TNS3: variants seen among roughly 807,000 people sequenced by gnomAD.
TNS3 encodes the protein tensin 3, also known as tensin-3.
TNS3 carries 45 observed loss-of-function variants against 140.9 expected under a neutral mutation model. The ratio of observed to expected loss-of-function variants is 0.32; its 90% CI spans 0.25 to 0.41. The LOEUF is 0.41. TNS3 is among the 10% of genes least tolerant of loss of function. The pLI is 1.00. For synonymous variants in TNS3, 815 were observed against 788.4 expected, an observed-to-expected ratio of 1.03 and a Z score of -0.56; for missense variants, 1,716 against 1,906.7, an observed-to-expected ratio of 0.90 and a Z score of 1.86.
intron 13 of TNS3, among the ~76,000 whole-genome samples, chr7:47,402,708 C>A (rs906496572): frequency 2.0e-5 from 3 of 152,198 alleles, no homozygotes; most frequent in African/African-American, 7.2e-5. Flanking sequence ...GAGATGATAG[C>A]ACCCACCTTT....
chr7:47,521,268 C>T (rs1018254703), intron 2 of TNS3, among the ~76,000 whole-genome samples: 4 of 152,192 alleles, frequency 2.6e-5, no homozygotes, highest in African/African-American at 9.7e-5. Flanking sequence ...TGATAAAGCA[C>T]TCCTCACACG....
chr7:47,415,613 C>T (rs1360182854), intron 10 of TNS3, among the ~76,000 whole-genome samples: 3 of 152,270 alleles, frequency 2.0e-5, no homozygotes, highest in African/African-American at 7.2e-5. Context: ...GGCAGGGTCA[C>T]ATGACCCAGG....
chr7:47,530,739 C>T (rs1799361753), intron 1 of TNS3, among the ~76,000 whole-genome samples: 1 of 148,456 alleles, frequency 6.7e-6, no homozygotes, highest in Admixed American at 6.8e-5. Flanking sequence ...CAGGAAATCG[C>T]TTGAACCCAG....
chr7:47,491,167 G>T (rs1212355673), intron 3 of TNS3, among the ~76,000 whole-genome samples: 1 of 152,206 alleles, frequency 6.6e-6, no homozygotes, highest in African/African-American at 2.4e-5. Context: ...GTCCATCTAC[G>T]CTGCGATTCA....
rs1799301593 is a variant in TNS3 at position 47,529,071 on chromosome 7, T to C, written c.-188A>G. On this transcript the variant is annotated 5_prime_UTR_variant, in exon 2 of 31. Coordinates refer to ENST00000311160, the MANE Select transcript of TNS3 (RefSeq NM_022748.12). Reference sequence around the variant, plus strand: ...AATACCTTGACCGTCAATAATTTGTTTGCAAACTCCACACACTTTGGATTT... The same window carrying C: ...AATACCTTGACCGTCAATAATTTGTCTGCAAACTCCACACACTTTGGATTT... 3 of 1,288,882 alleles carry C rather than the reference T, an allele frequency of 2.3e-6. No homozygotes were observed. The highest frequency in any genetic ancestry group is 3.0e-6 in the Non-Finnish European group (3 of 988,660). 79.8% of individuals were successfully genotyped at this position (1,288,882 alleles called of 1,614,324 possible).
chr7:47,532,620 A>G (rs573526111), intron 1 of TNS3, among the ~76,000 whole-genome samples: 1 of 152,242 alleles, frequency 6.6e-6, no homozygotes, highest in East Asian at 1.9e-4. Context: ...TGAGCTGTTT[A>G]ACACTTAATA....
intron 16 of TNS3, among the ~76,000 whole-genome samples, chr7:47,382,944 G>A (rs1008361970): frequency 1.3e-5 from 2 of 152,210 alleles, no homozygotes; most frequent in African/African-American, 4.8e-5. Flanking sequence ...AAGCGGGACA[G>A]GAGGTTGGCA....
chr7:47,499,622 G>C (rs1349495494), intron 3 of TNS3, among the ~76,000 whole-genome samples: 1 of 152,196 alleles, frequency 6.6e-6, no homozygotes, highest in Non-Finnish European at 1.5e-5. Flanking sequence ...ATCTGAAAAG[G>C]CTACACATGT....
intron 20 of TNS3, among the ~76,000 whole-genome samples, chr7:47,322,563 A>G (rs1236863596): frequency 2.6e-5 from 4 of 152,088 alleles, no homozygotes; most frequent in East Asian, 1.9e-4. Context: ...CACAATCAAA[A>G]AAACAACCCA....
At chr7:47,288,347 T>C (rs955645504) in intron 27 of TNS3, among the ~76,000 whole-genome samples, 4 of 152,258 alleles carry the variant, frequency 2.6e-5, no homozygotes, top group Non-Finnish European at 5.9e-5. Flanking sequence ...ACAAGTGCTC[T>C]GTGCCTGTTG....
chr7:47,440,164 C>A (rs987316596), intron 5 of TNS3, among the ~76,000 whole-genome samples: 1 of 152,098 alleles, frequency 6.6e-6, no homozygotes, highest in Non-Finnish European at 1.5e-5. Context: ...TGTCCGTATG[C>A]GGCATCCTGG....
chr7:47,292,038 G>C lies in TNS3; in HGVS notation c.3851-6C>G, dbSNP rs771667241. On this transcript the variant is annotated splice_region_variant and splice_polypyrimidine_tract_variant and intron_variant, in intron 26 of 30. Transcript: ENST00000311160. ...TGCTATTTCCTCCAATGGATCTGTA[G>C]GAAGGGGCAAGAAAATACAGAAATG... is the stretch of plus-strand genomic sequence containing the variant. The C allele has an allele frequency of 6.2e-7, 1 of 1,614,050 alleles. No individual in the cohort carries two copies. The highest frequency in any genetic ancestry group is 2.2e-5 in the East Asian group (1 of 44,892).
chr7:47,318,078 C>G (rs575835954), intron 20 of TNS3, among the ~76,000 whole-genome samples: 1 of 152,304 alleles, frequency 6.6e-6, no homozygotes, highest in East Asian at 1.9e-4. Context: ...ACTCTTTCCC[C>G]ATTGAAATAA....
In TNS3 at chr7:47,368,682, T is replaced by A; in HGVS notation, c.1964A>T (p.Asp655Val). The stretch of plus-strand genomic sequence containing the variant: ...TTTGCTGGGAGAGGGCTGCTGTGTG[T>A]CAGGGGGATGTGGCCCACTGCCTAC... ...RGVGSGPHPP[D>V]TQQPSPSKAF... Residue 655 changes from aspartate to valine, a missense_variant, in exon 17 of 31, where the codon GAC (aspartate) becomes GTC (valine). By Grantham distance (152) the Asp-to-Val change is radical. Around this residue, in one of 3 missense-constraint regions of TNS3, gnomAD observed 1,163 missense variants for 1,182.1 expected, o/e 0.98. Transcript: ENST00000311160. 6.3e-7 allele frequency: 1 copy of A among 1,595,688 alleles called. No individual in the cohort carries two copies. Among genetic ancestry groups the A allele is most frequent in the South Asian group, 1.1e-5 (1 of 87,350 alleles).
chr7:47,352,425 C>A (rs1789740829), intron 17 of TNS3, among the ~76,000 whole-genome samples: 1 of 152,198 alleles, frequency 6.6e-6, no homozygotes, highest in South Asian at 2.1e-4. Context: ...TCCAACACGG[C>A]CCCACAGCTG....
chr7:47,582,563 C>T (rs1216378975), upstream of TNS3: 3 of 445,170 alleles, frequency 6.7e-6, no homozygotes, highest in South Asian at 3.2e-5. Flanking sequence ...GTCGCGCATA[C>T]ATAAAGGAGC....
Position 47,277,862 on chromosome 7 carries a change from C to T in TNS3, c.*214G>A, listed in dbSNP as rs892357751. 4.5e-6 allele frequency: 3 copies of T among 668,024 alleles called. No homozygotes were observed. The highest frequency in any genetic ancestry group is 3.5e-5 in the African/African-American group (2 of 56,448). 41.4% of individuals were successfully genotyped at this position (668,024 alleles called of 1,614,324 possible). On this transcript the variant is annotated 3_prime_UTR_variant, in exon 31 of 31. Transcript: ENST00000311160. ...CTTCTACCCAAAAAGCATGTGGCTA[C>T]AGAGATGTGTCAGATAAGTCACTTT...
At chr7:47,527,397 C>T (rs1799236567) in intron 2 of TNS3, among the ~76,000 whole-genome samples, 1 of 152,156 alleles carries the variant, frequency 6.6e-6, no homozygotes, top group East Asian at 1.9e-4. Context: ...AGAGGGGCTG[C>T]TGTATTTGCC....
At chr7:47,480,969 G>A (rs1380382222) in intron 4 of TNS3, 134 bp downstream of exon 4, 5 of 531,586 alleles carry the variant, frequency 9.4e-6, no homozygotes, top group South Asian at 3.7e-5. Context: ...CCTTGTGAAT[G>A]CAAGCTACAG....
Sources: gnomAD v4.1 joint callset for allele counts (sites outside exome capture counted in the v4.1 genomes callset) on GRCh38, gnomAD v4.1.1 for gene constraint, gnomAD v4.1.1 regional missense constraint, MANE v1.5 for transcripts, NCBI Gene and HGNC (gene_info 2026-07-23, HGNC 2026-07-21) for gene names.